Variants in ARRB1 observed in about 807,000 individuals in gnomAD.
The protein encoded by ARRB1 is beta-arrestin-1.
In ARRB1, 21 loss-of-function variants were observed where a neutral mutation model predicts 56.8. The ratio of observed to expected loss-of-function variants is 0.37; its 90% CI spans 0.26 to 0.53. The LOEUF is 0.53. Ranked by LOEUF, ARRB1 falls within the 20% of genes least tolerant of loss-of-function variation. ARRB1 has a pLI of 0.88. For missense variants in ARRB1, 424 were observed against 553.7 expected (o/e 0.77, Z 2.35); for synonymous variants, 210 against 218.6 (o/e 0.96, Z 0.35).
chr11:75,281,199 C>T (rs886311328), intron 6 of ARRB1, 57 bp from the exon 7 acceptor site: 42 of 1,489,790 alleles, frequency 2.8e-5, no homozygotes, highest in South Asian at 3.6e-5. Context: ...CCCCAGTACA[C>T]AGCCAGCCCA....
intron 1 of ARRB1, among the ~76,000 whole-genome samples, chr11:75,338,554 A>T (rs1947647092): frequency 1.3e-5 from 2 of 152,174 alleles, no homozygotes. Context: ...CTTTCTGTAC[A>T]CTGGGTCAGG....
intron 11 of ARRB1, among the ~76,000 whole-genome samples, 192 bp from the exon 12 acceptor site, chr11:75,273,170 G>A (rs747228303): frequency 1.3e-5 from 2 of 152,148 alleles, no homozygotes; most frequent in African/African-American, 2.4e-5. Flanking sequence ...CCAGAGCCCC[G>A]GTTCCAAGTC....
At chr11:75,313,393 C>T (rs74528524) in intron 1 of ARRB1, among the ~76,000 whole-genome samples, 7,242 of 152,210 alleles carry the variant, frequency 0.048, 605 homozygotes, top group African/African-American at 0.17. Context: ...TCAGGTCCTT[C>T]GGGAATCTCT....
At chr11:75,312,356 C>T (rs1280743462) in intron 1 of ARRB1, among the ~76,000 whole-genome samples, 4 of 152,208 alleles carry the variant, frequency 2.6e-5, no homozygotes, top group East Asian at 1.9e-4. Context: ...GTGTACTGCA[C>T]GCTGGAAGGA....
At chr11:75,297,990 G>T (rs1009882674) in intron 1 of ARRB1, among the ~76,000 whole-genome samples, 2 of 145,014 alleles carry the variant, frequency 1.4e-5, no homozygotes, top group Non-Finnish European at 3.0e-5. Flanking sequence ...TTAAGCAATG[G>T]TTTCTTAGAT....
At chr11:75,326,568 G>A (rs913118498) in intron 1 of ARRB1, among the ~76,000 whole-genome samples, 3 of 151,994 alleles carry the variant, frequency 2.0e-5, no homozygotes, top group Admixed American at 6.6e-5. Context: ...AAGTCTGGCA[G>A]TCAACCTTGG....
chr11:75,338,945 A>G (rs2134988323), intron 1 of ARRB1, among the ~76,000 whole-genome samples: 1 of 152,290 alleles, frequency 6.6e-6, no homozygotes, highest in South Asian at 2.1e-4. Context: ...TGTAACCGAG[A>G]AAGGATGAAC....
intron 1 of ARRB1, among the ~76,000 whole-genome samples, chr11:75,318,508 G>T (rs1947299017): frequency 6.6e-6 from 1 of 152,108 alleles, no homozygotes; most frequent in South Asian, 2.1e-4. Flanking sequence ...TGGCCAACAT[G>T]GTGAAACCCC....
At position 75,281,980 on chromosome 11, in the gene ARRB1, C is replaced by A. The variant is rs982291910; in HGVS notation, c.396G>T (p.Gly132=). ...NLPCSVTLQP[G]PEDTGKACGV... is the part of the protein sequence containing the mutation. ...GACCTACCTTCCCCGTGTCTTCGGG[C>A]CCCGGCTGCAGTGTCACAGAACATG... Residue 132 remains glycine (G), a synonymous_variant, in exon 6 of 16, where the codon GGG becomes GGT. Transcript: ENST00000420843. The A allele has an allele frequency of 6.2e-7, 1 of 1,614,154 alleles. No homozygotes were observed. The highest frequency in any genetic ancestry group is 8.5e-7 in the Non-Finnish European group (1 of 1,180,020).
intron 1 of ARRB1, among the ~76,000 whole-genome samples, chr11:75,341,760 G>A (rs1007869397): frequency 1.3e-5 from 2 of 152,242 alleles, no homozygotes; most frequent in African/African-American, 2.4e-5. Flanking sequence ...CTGAGGACTA[G>A]TTTGGGAACC....
chr11:75,267,621 C>G, intron 15 of ARRB1, 31 bp downstream of exon 15: 1 of 1,594,982 alleles, frequency 6.3e-7, no homozygotes, highest in Non-Finnish European at 8.6e-7. Context: ...GCGGCCCACC[C>G]CCGGATGTCT....
intron 1 of ARRB1, among the ~76,000 whole-genome samples, chr11:75,345,740 C>G (rs937437870): frequency 6.6e-6 from 1 of 152,190 alleles, no homozygotes; most frequent in Non-Finnish European, 1.5e-5. Flanking sequence ...AGGACCCCAC[C>G]CCTCTCTTTT....
intron 14 of ARRB1, among the ~76,000 whole-genome samples, chr11:75,268,398 G>A (rs1003861586): frequency 4.6e-5 from 7 of 151,694 alleles, no homozygotes; most frequent in Non-Finnish European, 1.0e-4. Context: ...TCAGCTACTC[G>A]GGAGGCTGAG....
chr11:75,322,987 A>C (rs1266888704), intron 1 of ARRB1, among the ~76,000 whole-genome samples: 3 of 152,274 alleles, frequency 2.0e-5, no homozygotes, highest in African/African-American at 7.2e-5. Flanking sequence ...CCTGGACCAC[A>C]GGAAGTGCTG....
chr11:75,283,513 G>C (rs1043691192), intron 4 of ARRB1, 30 bp from the exon 5 acceptor site: 16 of 1,561,834 alleles, frequency 1.0e-5, no homozygotes, highest in Non-Finnish European at 1.4e-5. Context: ...CTGAGGAGGG[G>C]CCTGGGAGAG....
chr11:75,351,559 C>A (rs1426282101), intron 1 of ARRB1, 29 bp downstream of exon 1: 1 of 1,498,672 alleles, frequency 6.7e-7, no homozygotes, highest in South Asian at 1.2e-5. Flanking sequence ...CCCCACGCGC[C>A]CCCCGCCGGG....
chr11:75,308,102 G>T (rs985691717), intron 1 of ARRB1, among the ~76,000 whole-genome samples: 2 of 152,244 alleles, frequency 1.3e-5, no homozygotes, highest in African/African-American at 2.4e-5. Context: ...CCCTCCCTGG[G>T]TGCCAGCCCT....
At chr11:75,345,885 A>G (rs1947759757) in intron 1 of ARRB1, among the ~76,000 whole-genome samples, 1 of 152,202 alleles carries the variant, frequency 6.6e-6, no homozygotes, top group African/African-American at 2.4e-5. Flanking sequence ...AGTCCAGTTC[A>G]GCAAACCTCT....
chr11:75,293,352 T>C (rs1946651981), intron 1 of ARRB1, among the ~76,000 whole-genome samples: 1 of 152,214 alleles, frequency 6.6e-6, no homozygotes, highest in African/African-American at 2.4e-5. Flanking sequence ...CCCGAGCCCA[T>C]GTCCTTTCCA....
Sources: gnomAD v4.1 joint callset for allele counts (sites outside exome capture counted in the v4.1 genomes callset) on GRCh38, gnomAD v4.1.1 for gene constraint, MANE v1.5 for transcripts, NCBI Gene and HGNC (gene_info 2026-07-23, HGNC 2026-07-21) for gene names.